DPP6: variants seen among roughly 807,000 people sequenced by gnomAD.
DPP6 encodes dipeptidyl peptidase like 6, also known as A-type potassium channel modulatory protein DPP6.
In DPP6, 69 loss-of-function variants were observed where a neutral mutation model predicts 122.6. That is an observed-to-expected ratio of 0.56 (90% CI 0.46 to 0.69). The LOEUF is 0.69. DPP6 is among the 30% of genes least tolerant of loss of function. DPP6 has a pLI of 0.00. For missense variants in DPP6, 928 were observed against 1,116.9 expected (o/e 0.83, Z 2.41); for synonymous variants, 418 against 433.1 (o/e 0.97, Z 0.43).
At chr7:154,746,257 A>T (rs1039403328) in intron 8 of DPP6, among the ~76,000 whole-genome samples, 20 of 152,272 alleles carry the variant, frequency 1.3e-4, no homozygotes, top group Admixed American at 7.8e-4. Flanking sequence ...TCTACTTAGA[A>T]GATTTAGGAT....
intron 1 of DPP6, among the ~76,000 whole-genome samples, chr7:154,103,962 T>C (rs371330015): frequency 9.2e-5 from 14 of 152,288 alleles, no homozygotes; most frequent in African/African-American, 3.4e-4. Context: ...TACCGGCTTC[T>C]CTCTTCCCCA....
At position 154,863,742 on chromosome 7, in the gene DPP6, G is replaced by C. The variant is rs148885481; in HGVS notation, c.1715-4253G>C. ...AGGTGGGAGGATTGCTTGAGCCCGG[G>C]TGTTCGAGGCTGCAGTGAGTTATGA... On this transcript the variant is annotated intron_variant, in intron 17 of 25. Coordinates refer to ENST00000377770, the MANE Select transcript of DPP6 (RefSeq NM_130797.4). This position sits in a 1 kb window ranked among gnomAD's most constrained non-coding sequence, Gnocchi z 4.1. 6.6e-6 allele frequency among the ~76,000 whole-genome samples: 1 copy of C among 152,028 alleles called. No individual in the cohort carries two copies. Among genetic ancestry groups the C allele is most frequent in the East Asian group, 2.0e-4 (1 of 5,056 alleles).
intron 1 of DPP6, among the ~76,000 whole-genome samples, chr7:154,014,150 A>G (rs1005440913): frequency 6.6e-6 from 1 of 150,964 alleles, no homozygotes; most frequent in South Asian, 2.1e-4. Context: ...AAAGACCCTA[A>G]TGTAGCAGAG....
At position 154,821,659 on chromosome 7, in the gene DPP6, T is replaced by TACAC. The variant is rs1563249238; in HGVS notation, c.1666+14548_1666+14549insCACA. ...ATATATATATATACACATATATATATATATACACATATATATATACACACA... is the reference window on the plus strand; with the variant it reads ...ATATATATATATACACATATATATATACACATATACACATATATATATACACACA... On this transcript the variant is annotated intron_variant, in intron 16 of 25. Coordinates refer to ENST00000377770, the MANE Select transcript of DPP6 (RefSeq NM_130797.4). This position sits in a 1 kb window ranked among gnomAD's most constrained non-coding sequence, Gnocchi z 4.2. 7.6e-5 allele frequency among the ~76,000 whole-genome samples: 11 copies of TACAC among 143,868 alleles called. No homozygotes were observed. Among genetic ancestry groups the TACAC allele is most frequent in the Admixed American group, 4.1e-4 (6 of 14,576 alleles). The allele number at this position is 143,868 out of a possible 152,430, so 94.4% of individuals were successfully genotyped here. A position where few individuals can be genotyped will look rare whatever the true frequency, so the allele number is the denominator to read the frequency against.
intron 4 of DPP6, among the ~76,000 whole-genome samples, chr7:154,561,547 CAAT>C (rs1830426524): frequency 6.6e-6 from 1 of 151,878 alleles, no homozygotes; most frequent in Non-Finnish European, 1.5e-5. Flanking sequence ...AAAATAAAAG[CAAT>C]AATATCAAAA....
chr7:153,982,518 A>G (rs1796638319), intron 1 of DPP6, among the ~76,000 whole-genome samples: 1 of 151,924 alleles, frequency 6.6e-6, no homozygotes, highest in African/African-American at 2.4e-5. Context: ...GGATTTTGTT[A>G]TTATCCACCT....
At chr7:153,950,146 G>A (rs11974308) in intron 1 of DPP6, among the ~76,000 whole-genome samples, 19,235 of 152,224 alleles carry the variant, frequency 0.13, 1,233 homozygotes, top group South Asian at 0.15. Flanking sequence ...ACTGGAAGGA[G>A]CACCTCGGTT....
intron 3 of DPP6, among the ~76,000 whole-genome samples, chr7:154,499,040 C>G (rs554393292): frequency 2.4e-4 from 37 of 152,336 alleles, no homozygotes; most frequent in Non-Finnish European, 5.0e-4. Context: ...CAGCTCACAT[C>G]TGTCTCGTGG....
At chr7:154,445,185 C>T (rs955655688) in intron 1 of DPP6, among the ~76,000 whole-genome samples, 12 of 152,072 alleles carry the variant, frequency 7.9e-5, no homozygotes, top group Non-Finnish European at 1.2e-4. Flanking sequence ...TTCATTCTAC[C>T]TCATTTTGGC....
chr7:153,932,897 G>A (rs758760386), intron 1 of DPP6, among the ~76,000 whole-genome samples: 16 of 152,150 alleles, frequency 1.1e-4, no homozygotes, highest in Non-Finnish European at 1.9e-4. Flanking sequence ...TGGGCGGGAC[G>A]TGGCGGGAGG....
At chr7:154,041,751 T>G (rs1213429732) in intron 1 of DPP6, among the ~76,000 whole-genome samples, 10 of 146,504 alleles carry the variant, frequency 6.8e-5, no homozygotes, top group Admixed American at 6.0e-4. Flanking sequence ...CTCATGTTTG[T>G]TTTTTTTGTT....
intron 7 of DPP6, among the ~76,000 whole-genome samples, chr7:154,692,188 C>G (rs1430094980): frequency 6.6e-6 from 1 of 152,158 alleles, no homozygotes; most frequent in Non-Finnish European, 1.5e-5. Flanking sequence ...GGGCCAAAGA[C>G]ATAATAATAT....
chr7:154,792,997 A>G (rs1456757516), intron 10 of DPP6, among the ~76,000 whole-genome samples: 2 of 152,160 alleles, frequency 1.3e-5, no homozygotes, highest in South Asian at 4.2e-4. Context: ...TAATTGTGGG[A>G]AATGGGGGAG....
chr7:154,565,586 C>T (rs908938235), intron 4 of DPP6, among the ~76,000 whole-genome samples: 3 of 151,966 alleles, frequency 2.0e-5, no homozygotes, highest in South Asian at 2.1e-4. Context: ...AGTGCAATGG[C>T]GCGATCTCGG....
intron 7 of DPP6, among the ~76,000 whole-genome samples, chr7:154,711,433 A>G (rs1841173188): frequency 6.6e-6 from 1 of 152,248 alleles, no homozygotes; most frequent in African/African-American, 2.4e-5. Flanking sequence ...GTTTGGTAAT[A>G]TAACTAATTA....
intron 3 of DPP6, among the ~76,000 whole-genome samples, chr7:154,503,150 A>G (rs974856282): frequency 1.3e-5 from 2 of 152,244 alleles, no homozygotes; most frequent in South Asian, 4.1e-4. Context: ...CTTGCAATAC[A>G]GTACAGCCTT....
At chr7:153,965,825 G>C (rs1417930435) in intron 1 of DPP6, among the ~76,000 whole-genome samples, 1 of 152,034 alleles carries the variant, frequency 6.6e-6, no homozygotes, top group Admixed American at 6.6e-5. Context: ...GTTACTCTGA[G>C]TGGTAACAGA....
chr7:154,495,000 G>T (rs552741795), intron 3 of DPP6, among the ~76,000 whole-genome samples: 9 of 152,152 alleles, frequency 5.9e-5, no homozygotes, highest in Non-Finnish European at 1.0e-4. Context: ...AGAGAGTCTC[G>T]TGGAGGTGAC....
intron 7 of DPP6, among the ~76,000 whole-genome samples, chr7:154,697,476 T>C (rs1054472932): frequency 6.6e-6 from 1 of 152,242 alleles, no homozygotes; most frequent in Non-Finnish European, 1.5e-5. Flanking sequence ...TTGGCTCTGC[T>C]GTGGCCTCTC....
Sources: gnomAD v4.1 joint callset for allele counts (sites outside exome capture counted in the v4.1 genomes callset) on GRCh38, gnomAD v4.1.1 for gene constraint, Gnocchi (gnomAD v3.1) non-coding constraint, MANE v1.5 for transcripts, NCBI Gene and HGNC (gene_info 2026-07-23, HGNC 2026-07-21) for gene names.